The following KIDINS220 variants were observed in gnomAD, a reference collection of about 807,000 sequenced individuals.
KIDINS220 encodes kinase D-interacting substrate of 220 kDa.
Under a neutral mutation model 157.6 loss-of-function variants are expected in KIDINS220, and 63 were observed. The observed-to-expected ratio is 0.40, with a 90% CI of 0.33 to 0.49. The LOEUF is 0.49. KIDINS220 is among the 20% of genes least tolerant of loss of function. KIDINS220 has a pLI of 0.66. For missense variants in KIDINS220, 1,772 were observed against 2,171.2 expected, an observed-to-expected ratio of 0.82 and a Z score of 3.65; for synonymous variants, 732 against 783.6, an observed-to-expected ratio of 0.93 and a Z score of 1.10.
intron 28 of KIDINS220, among the ~76,000 whole-genome samples, 164 bp from the exon 29 acceptor site, chr2:8,733,844 C>A (rs2147958302): frequency 1.3e-5 from 2 of 152,304 alleles, no homozygotes; most frequent in South Asian, 4.1e-4. Context: ...ATCAGCTTAT[C>A]TTTCATGTTC....
chr2:8,825,927 A>T (rs1678721665), intron 2 of KIDINS220: 1 of 151,844 alleles, frequency 6.6e-6, no homozygotes, highest in South Asian at 2.1e-4. Context: ...AAAATACAAA[A>T]AAAAAAATTA....
chr2:8,773,236 CAG>C (rs1670472610), intron 21 of KIDINS220, among the ~76,000 whole-genome samples: 1 of 152,088 alleles, frequency 6.6e-6, no homozygotes, highest in South Asian at 2.1e-4. Context: ...ACTGTATAGT[CAG>C]AATAATATTA....
At chr2:8,778,179 GA>G (rs1314786977) in intron 20 of KIDINS220, among the ~76,000 whole-genome samples, 7 of 152,224 alleles carry the variant, frequency 4.6e-5, no homozygotes, top group Non-Finnish European at 4.4e-5. Flanking sequence ...CAGTGGCTGG[GA>G]AGGACACAAA....
In KIDINS220 at chr2:8,817,667, A is replaced by G. The variant is rs1452535071; in HGVS notation, c.257T>C (p.Ile86Thr). The G allele has an allele frequency of 1.9e-6, 3 of 1,608,514 alleles. No homozygotes were observed. The highest frequency in any genetic ancestry group is 2.2e-5 in the South Asian group (2 of 90,082). Residue 86 changes from isoleucine to threonine, a missense_variant, in exon 4 of 30, where the codon ATC (isoleucine) becomes ACC (threonine). Coordinates refer to ENST00000256707, the MANE Select transcript of KIDINS220 (RefSeq NM_020738.4). The stretch of plus-strand genomic sequence containing the variant: ...CCCACATTTCAGTAGTTCCTCTACG[A>G]TGTGCACATGCCCTTCTTTCGATGC... ...ISASKEGHVH[I>T]VEELLKCGVN...
intron 13 of KIDINS220, 40 bp from the exon 14 acceptor site, chr2:8,790,099 T>C (rs1003012592): frequency 6.5e-7 from 1 of 1,544,570 alleles, no homozygotes. Context: ...TCCTGTTTTG[T>C]TTAAGAAATA....
At chr2:8,805,028 G>C (rs1391898720) in intron 7 of KIDINS220, among the ~76,000 whole-genome samples, 1 of 152,186 alleles carries the variant, frequency 6.6e-6, no homozygotes, top group Non-Finnish European at 1.5e-5. Context: ...TGATTTGCTA[G>C]AGCAGTTCAC....
At chr2:8,747,769 T>C in intron 25 of KIDINS220, 118 bp downstream of exon 25, 1 of 513,880 alleles carries the variant, frequency 1.9e-6, no homozygotes, top group Non-Finnish European at 3.3e-6. Flanking sequence ...GGTTGTTTCT[T>C]AAAACTATGT....
At chr2:8,768,096 A>T (rs1406254134) in intron 22 of KIDINS220, among the ~76,000 whole-genome samples, 3 of 152,180 alleles carry the variant, frequency 2.0e-5, no homozygotes, top group African/African-American at 7.2e-5. Flanking sequence ...ACTTAAATTC[A>T]TTTTTTTAAA....
chr2:8,781,331 T>A (rs1261318347), intron 17 of KIDINS220, among the ~76,000 whole-genome samples: 2 of 151,534 alleles, frequency 1.3e-5, no homozygotes, highest in African/African-American at 4.9e-5. Flanking sequence ...GAGACCTCAA[T>A]ACCATTCTAT....
At chr2:8,789,449 G>A (rs566033056) in intron 14 of KIDINS220, among the ~76,000 whole-genome samples, 32 of 151,816 alleles carry the variant, frequency 2.1e-4, no homozygotes, top group East Asian at 1.6e-3. Context: ...CATCTTGCCC[G>A]GCTAATTTTT....
At chr2:8,741,497 T>C (rs1184143551) in intron 26 of KIDINS220, among the ~76,000 whole-genome samples, 1 of 152,142 alleles carries the variant, frequency 6.6e-6, no homozygotes, top group African/African-American at 2.4e-5. Context: ...GGAGAATCAC[T>C]TGAATCCAGG....
In KIDINS220 at chr2:8,770,793, T is replaced by C. The variant is rs1388375182; in HGVS notation, c.2888A>G (p.Asp963Gly). The C allele has an allele frequency of 6.2e-7, 1 of 1,611,602 alleles. No homozygotes were observed. Among genetic ancestry groups the C allele is most frequent in the African/African-American group, 1.3e-5 (1 of 74,872 alleles). ...LRANQISFNW[D>G]RLASWINLTE... ...AAGGTTGATCCAGCTAGCAAGCCTGTCCCAGTTGAAACTAATCTGATTGGC... is the reference window on the plus strand; with the variant it reads ...AAGGTTGATCCAGCTAGCAAGCCTGCCCCAGTTGAAACTAATCTGATTGGC... The change falls in exon 22 of 30, where the codon GAC (aspartate) becomes GGC (glycine). Residue 963 changes from aspartate (D) to glycine (G), a missense_variant. By Grantham distance (94) the Asp-to-Gly change is moderately conservative. This residue lies in a region of KIDINS220 where 725 missense variants were observed against 1,017.1 expected (regional missense o/e 0.71). Coordinates refer to ENST00000256707, the MANE Select transcript of KIDINS220 (RefSeq NM_020738.4).
chr2:8,739,061 A>G (rs1390050016), intron 26 of KIDINS220, among the ~76,000 whole-genome samples: 4 of 152,228 alleles, frequency 2.6e-5, no homozygotes, highest in Non-Finnish European at 5.9e-5. Flanking sequence ...AATGTAAAAT[A>G]CTGAGGAGAA....
Position 8,824,339 on chromosome 2 carries a change from G to C in KIDINS220, c.108+2647C>G, listed in dbSNP as rs141994505. Among the ~76,000 whole-genome samples, 98 of 152,162 alleles carry C rather than the reference G, an allele frequency of 6.4e-4. 2 individuals carry two copies. Among genetic ancestry groups the C allele is most frequent in the African/African-American group, 2.3e-3 (95 of 41,504 alleles). On this transcript the variant is annotated intron_variant, in intron 2 of 29. Transcript: ENST00000256707. The stretch of plus-strand genomic sequence containing the variant: ...ACTGAGTTAACATTAAATGATATTA[G>C]GTACCACAGGTCAGAAAAAGTAATA...
At chr2:8,832,095 C>A (rs1679723013) in intron 1 of KIDINS220, among the ~76,000 whole-genome samples, 1 of 152,214 alleles carries the variant, frequency 6.6e-6, no homozygotes, top group Admixed American at 6.5e-5. Flanking sequence ...CGAGACTGAG[C>A]AAAGCTTTGC....
intron 10 of KIDINS220, 60 bp from the exon 11 acceptor site, chr2:8,796,929 T>C: frequency 2.6e-6 from 3 of 1,174,034 alleles, no homozygotes; most frequent in Admixed American, 1.7e-5. Flanking sequence ...GTTTATGTCA[T>C]ACAAATGCAC....
chr2:8,820,703 C>T (rs1352986827), intron 2 of KIDINS220, among the ~76,000 whole-genome samples: 2 of 152,112 alleles, frequency 1.3e-5, no homozygotes, highest in African/African-American at 4.8e-5. Context: ...ATCTTCTCAA[C>T]ATTCAAGCTG....
At chr2:8,825,607 T>C (rs1262707297) in intron 2 of KIDINS220, 4 of 151,852 alleles carry the variant, frequency 2.6e-5, no homozygotes. Context: ...ACACATATAG[T>C]GTAAAATAAA....
intron 22 of KIDINS220, among the ~76,000 whole-genome samples, chr2:8,761,763 G>T (rs1343500355): frequency 1.3e-5 from 2 of 152,092 alleles, no homozygotes; most frequent in Non-Finnish European, 2.9e-5. Flanking sequence ...CCCATCTTGT[G>T]GACTTTTTGA....
Sources: allele counts gnomAD v4.1 joint callset (sites outside exome capture counted in the v4.1 genomes callset), GRCh38; gene constraint gnomAD v4.1.1; regional missense constraint gnomAD v4.1.1; transcripts MANE v1.5; gene names NCBI Gene and HGNC (gene_info 2026-07-23, HGNC 2026-07-21).